The following CHCHD6 variants were observed in gnomAD, a reference collection of about 807,000 sequenced individuals.
CHCHD6 encodes MICOS complex subunit MIC25.
A neutral mutation model predicts 32.3 loss-of-function variants in CHCHD6; 28 were observed. The ratio of observed to expected loss-of-function variants is 0.87; its 90% CI spans 0.64 to 1.19. CHCHD6 has a LOEUF of 1.19. Ranked by LOEUF, CHCHD6 falls within the 50% of genes most tolerant of loss-of-function variation. The probability of loss-of-function intolerance (pLI) is 0.00; values close to 1 mark genes in which losing one functional copy is unlikely to be tolerated. For synonymous variants in CHCHD6, 122 were observed against 117.5 expected, an observed-to-expected ratio of 1.04 and a Z score of -0.25; for missense variants, 333 against 307.0, an observed-to-expected ratio of 1.08 and a Z score of -0.63.
At chr3:126,715,283 G>A (rs1049889283) in intron 1 of CHCHD6, among the ~76,000 whole-genome samples, 1 of 152,052 alleles carries the variant, frequency 6.6e-6, no homozygotes, top group African/African-American at 2.4e-5. Context: ...CACTTCCCAC[G>A]TTCCACCTCC....
chr3:126,770,555 G>A (rs1253881530), intron 4 of CHCHD6, among the ~76,000 whole-genome samples: 1 of 152,102 alleles, frequency 6.6e-6, no homozygotes, highest in African/African-American at 2.4e-5. Flanking sequence ...GAATTTTATA[G>A]GAAACCTTTT....
intron 4 of CHCHD6, among the ~76,000 whole-genome samples, chr3:126,800,454 G>C (rs923516281): frequency 6.6e-6 from 1 of 152,192 alleles, no homozygotes; most frequent in Non-Finnish European, 1.5e-5. Flanking sequence ...CCACTTACCA[G>C]GGTGTCCCCA....
chr3:126,773,002 G>T (rs781432681), intron 4 of CHCHD6, among the ~76,000 whole-genome samples: 4 of 152,074 alleles, frequency 2.6e-5, no homozygotes, highest in Non-Finnish European at 5.9e-5. Flanking sequence ...AGTTTGGCTG[G>T]ATATGAAATT....
At chr3:126,942,751 C>A (rs760776073) in intron 6 of CHCHD6, among the ~76,000 whole-genome samples, 1 of 152,114 alleles carries the variant, frequency 6.6e-6, no homozygotes, top group Non-Finnish European at 1.5e-5. Context: ...GCTCTGGGAT[C>A]TGAGCTCCGG....
intron 5 of CHCHD6, among the ~76,000 whole-genome samples, chr3:126,869,174 T>G (rs2077430933): frequency 6.6e-6 from 1 of 152,228 alleles, no homozygotes; most frequent in Non-Finnish European, 1.5e-5. Flanking sequence ...AAACATAGTT[T>G]GTTTTAACAA....
At chr3:126,879,015 G>C (rs1299021151) in intron 5 of CHCHD6, among the ~76,000 whole-genome samples, 1 of 152,196 alleles carries the variant, frequency 6.6e-6, no homozygotes, top group African/African-American at 2.4e-5. Flanking sequence ...GCTGGCTGTC[G>C]GTTGGGACCT....
chr3:126,935,273 C>T (rs2078463502), intron 6 of CHCHD6: 6 of 451,322 alleles, frequency 1.3e-5, no homozygotes, highest in African/African-American at 2.1e-5. Flanking sequence ...GAGCCTCCCT[C>T]CCTCAAGATG....
At chr3:126,804,175 C>CA (rs1939233866) in intron 4 of CHCHD6, among the ~76,000 whole-genome samples, 1 of 152,036 alleles carries the variant, frequency 6.6e-6, no homozygotes, top group Non-Finnish European at 1.5e-5. Flanking sequence ...AGAGCAAACA[C>CA]ATTCAAAAGC....
intron 4 of CHCHD6, among the ~76,000 whole-genome samples, chr3:126,823,904 AAC>A (rs565839224): frequency 6.6e-6 from 1 of 151,226 alleles, no homozygotes; most frequent in African/African-American, 2.4e-5. Flanking sequence ...CAAAAACAAA[AAC>A]ACACACACAC....
chr3:126,875,834 A>C (rs977079212), intron 5 of CHCHD6, among the ~76,000 whole-genome samples: 1 of 152,206 alleles, frequency 6.6e-6, no homozygotes, highest in Non-Finnish European at 1.5e-5. Flanking sequence ...ACATCCTGTC[A>C]CATGTTCTCC....
rs199722549 is a variant in CHCHD6, at chr3:126,817,356, T to TA, written c.412-35288dup. On this transcript the variant is annotated intron_variant, in intron 4 of 7. Transcript: ENST00000290913. ...TTCCTCTTGCCTTTTTTTTTTTTTT[T>TA]AAATGAAAAGCTTTCCTGGCAGATG... 8.2e-3 allele frequency among the ~76,000 whole-genome samples: 1,242 copies of TA among 151,734 alleles called. 11 individuals carry two copies. The highest frequency in any genetic ancestry group is 0.012 in the Non-Finnish European group (803 of 67,876).
intron 5 of CHCHD6, among the ~76,000 whole-genome samples, chr3:126,862,687 C>T (rs368392979): frequency 5.9e-3 from 169 of 28,450 alleles, no homozygotes; most frequent in African/African-American, 0.019. Flanking sequence ...CACCACCTCC[C>T]CCTCCTCCAC....
chr3:126,911,635 C>T (rs982915835), intron 5 of CHCHD6, among the ~76,000 whole-genome samples: 18 of 152,224 alleles, frequency 1.2e-4, no homozygotes, highest in African/African-American at 3.9e-4. Context: ...GGGTAATCAC[C>T]GCCACTTCTT....
intron 3 of CHCHD6, among the ~76,000 whole-genome samples, chr3:126,731,024 C>T (rs546786177): frequency 1.4e-5 from 2 of 142,980 alleles, no homozygotes; most frequent in East Asian, 2.1e-4. Context: ...GGAAGAATCA[C>T]TTGAGTTCAG....
chr3:126,735,344 G>T (rs1285013351), intron 4 of CHCHD6, among the ~76,000 whole-genome samples: 1 of 152,196 alleles, frequency 6.6e-6, no homozygotes. Context: ...TCCCCCTCAG[G>T]TCTCTAGATG....
chr3:126,860,056 G>A (rs910212634), intron 5 of CHCHD6, among the ~76,000 whole-genome samples: 4 of 152,052 alleles, frequency 2.6e-5, no homozygotes, highest in Non-Finnish European at 5.9e-5. Context: ...CCTGCCTGCC[G>A]GTCACTCCAA....
At chr3:126,832,714 C>G (rs1166075036) in intron 4 of CHCHD6, among the ~76,000 whole-genome samples, 1 of 152,174 alleles carries the variant, frequency 6.6e-6, no homozygotes, top group Admixed American at 6.5e-5. Context: ...CCTCTTTCCA[C>G]TTTGTAGCAT....
chr3:126,932,178 C>T (rs2078415847), intron 6 of CHCHD6, among the ~76,000 whole-genome samples: 1 of 152,162 alleles, frequency 6.6e-6, no homozygotes, highest in South Asian at 2.1e-4. Flanking sequence ...CCCTGCTGCC[C>T]GTAGCACCTC....
At chr3:126,748,629 C>T (rs1936603824) in intron 4 of CHCHD6, among the ~76,000 whole-genome samples, 1 of 151,722 alleles carries the variant, frequency 6.6e-6, no homozygotes. Context: ...AAAGAAATTA[C>T]CATGATCTTC....
Sources: gnomAD v4.1 joint callset for allele counts (sites outside exome capture counted in the v4.1 genomes callset) on GRCh38, gnomAD v4.1.1 for gene constraint, MANE v1.5 for transcripts, NCBI Gene and HGNC (gene_info 2026-07-23, HGNC 2026-07-21) for gene names.